BRCC3: variants seen among roughly 807,000 people sequenced by gnomAD.
BRCC3 encodes BRCA1/BRCA2-containing complex subunit 3.
BRCC3 carries 15 observed loss-of-function variants against 28.0 expected under a neutral mutation model. The ratio of observed to expected loss-of-function variants is 0.54; its 90% CI spans 0.36 to 0.82. BRCC3 has a LOEUF of 0.82. Among genes scored for constraint, BRCC3 ranks in the 40% least tolerant of loss-of-function variants. The probability of loss-of-function intolerance (pLI) is 0.01; values close to 1 mark genes in which losing one functional copy is unlikely to be tolerated. For missense variants in BRCC3, 109 were observed against 225.9 expected (o/e 0.48, Z 3.32); for synonymous variants, 66 against 80.3 (o/e 0.82, Z 0.95).
chrX:155,084,974 A>C (rs2074111906), intron 5 of BRCC3, among the ~76,000 whole-genome samples: 1 of 111,859 alleles, frequency 8.9e-6, no homozygotes, highest in East Asian at 2.8e-4. Context: ...CGTCTCTTAA[A>C]ATTTTTTTTT....
chrX:155,092,650 A>C (rs1224771433), intron 7 of BRCC3, among the ~76,000 whole-genome samples: 2 of 110,325 alleles, frequency 1.8e-5, no homozygotes, highest in East Asian at 5.7e-4. Context: ...AGTAATATTA[A>C]AATATTTGGA....
At chrX:155,099,185 G>GTT (rs372745437) in intron 7 of BRCC3, 3,140 of 566,220 alleles carry the variant, frequency 5.5e-3, no homozygotes, top group Middle Eastern at 6.8e-3. Context: ...AATTAGAAAT[G>GTT]TTTTTTTTTT....
chrX:155,102,933 TTGTGTGTG>T (rs782223599), intron 7 of BRCC3, among the ~76,000 whole-genome samples: 1 of 110,901 alleles, frequency 9.0e-6, no homozygotes, highest in Non-Finnish European at 1.9e-5. Context: ...CACATAGTTT[TTGTGTGTG>T]TGTGTGTGCG....
chrX:155,076,569 A>AG (rs1193520455), intron 3 of BRCC3, among the ~76,000 whole-genome samples: 1 of 110,452 alleles, frequency 9.1e-6, no homozygotes, highest in African/African-American at 3.3e-5. Context: ...AGAGAGAGTG[A>AG]GGGGGGAAGT....
At chrX:155,081,011 C>T (rs2074081018) in intron 5 of BRCC3, among the ~76,000 whole-genome samples, 1 of 111,515 alleles carries the variant, frequency 9.0e-6, no homozygotes, top group Admixed American at 9.5e-5. Context: ...CACATCAGGT[C>T]TCTCATTTGA....
chrX:155,121,654 A>G lies in BRCC3; in HGVS notation c.*450A>G, dbSNP rs2074388952. 8.9e-6 allele frequency: 1 copy of G among 112,585 alleles called. No individual in the cohort carries two copies. Among genetic ancestry groups the G allele is most frequent in the Non-Finnish European group, 1.9e-5 (1 of 53,336 alleles). 9.3% of individuals were successfully genotyped at this position (112,585 alleles called of 1,213,427 possible). A position where few individuals can be genotyped will look rare whatever the true frequency, so the allele number is the denominator to read the frequency against. Reference sequence around the variant, plus strand: ...AGAAAAATCTTCAGGATCTTGGGCTAGGTGACAAGTTCTTGGACTTTGCCC... The same window carrying G: ...AGAAAAATCTTCAGGATCTTGGGCTGGGTGACAAGTTCTTGGACTTTGCCC... On this transcript the variant is annotated 3_prime_UTR_variant, in exon 11 of 11. Transcript: ENST00000330045.
At chrX:155,102,358 T>C (rs2074251438) in intron 7 of BRCC3, among the ~76,000 whole-genome samples, 1 of 112,655 alleles carries the variant, frequency 8.9e-6, no homozygotes, top group Admixed American at 9.4e-5. Flanking sequence ...ATTGTAAATG[T>C]GATTGTATTA....
chrX:155,114,457 A>G (rs1043264961), intron 7 of BRCC3, among the ~76,000 whole-genome samples: 2 of 110,967 alleles, frequency 1.8e-5, no homozygotes, highest in Non-Finnish European at 3.8e-5. Context: ...GAAGGGAGAA[A>G]GGGGAGTTTC....
rs782238525 is a variant in BRCC3, at chrX:155,120,168, G to A, written c.*18G>A. 19 of 1,182,622 alleles carry A rather than the reference G, an allele frequency of 1.6e-5. No homozygotes were observed. Among genetic ancestry groups the A allele is most frequent in the Non-Finnish European group, 2.2e-5 (19 of 875,364 alleles). On this transcript the variant is annotated splice_region_variant and 3_prime_UTR_variant, in exon 10 of 11. Transcript: ENST00000330045. ...TAGAATAAATCAGGAGACAAAATGG[G>A]GTAAAAAACTTCTTTTTCAATTTGT...
intron 5 of BRCC3, among the ~76,000 whole-genome samples, chrX:155,080,465 GAA>G (rs11329939): frequency 3.4e-4 from 33 of 98,472 alleles, no homozygotes; most frequent in Admixed American, 4.4e-4. Flanking sequence ...ATAGCAGTCA[GAA>G]AAAAAAAAAA....
intron 5 of BRCC3, among the ~76,000 whole-genome samples, chrX:155,079,799 A>T (rs1237102725): frequency 2.7e-5 from 3 of 111,146 alleles, no homozygotes; most frequent in Non-Finnish European, 5.7e-5. Context: ...TTATACATAT[A>T]TGTATATACG....
intron 3 of BRCC3, among the ~76,000 whole-genome samples, 182 bp downstream of exon 3, chrX:155,073,613 C>T (rs1359515146): frequency 1.8e-5 from 2 of 111,660 alleles, no homozygotes. Flanking sequence ...AGCAAATTGT[C>T]TCTACTTGAT....
At chrX:155,071,718 C>G (rs147862044) in intron 1 of BRCC3, 68 bp downstream of exon 1, 1 of 1,135,992 alleles carries the variant, frequency 8.8e-7, no homozygotes, top group African/African-American at 1.8e-5. Context: ...GGGTGGGTGC[C>G]GGCAGCTCCC....
chrX:155,086,388 G>C (rs2074128704), intron 5 of BRCC3, among the ~76,000 whole-genome samples: 1 of 111,398 alleles, frequency 9.0e-6, no homozygotes, highest in Non-Finnish European at 1.9e-5. Flanking sequence ...TCCCTTCCTT[G>C]CCCAGGCTGG....
chrX:155,072,397 T>C, intron 2 of BRCC3, 54 bp downstream of exon 2: 3 of 1,006,112 alleles, frequency 3.0e-6, no homozygotes, highest in Non-Finnish European at 4.2e-6. Flanking sequence ...ATTGTTAACC[T>C]AAAATTATGG....
At position 155,075,236 on chromosome X, in the gene BRCC3, C is replaced by CATTGT. The variant is rs1557293304; in HGVS notation, c.195+1805_195+1806insATTGT. On this transcript the variant is annotated intron_variant, in intron 3 of 10. Transcript: ENST00000330045. ...ATCTATAGCTTGTTTCAAAAGCCTT[C>CATTGT]TCTCAGATTTCACCCTTGTCCCTTC... is the stretch of plus-strand genomic sequence containing the variant. Among the ~76,000 whole-genome samples the CATTGT allele has an allele frequency of 9.7e-4, 53 of 54,763 alleles. No individual in the cohort carries two copies. The African/African-American group carries it at 0.019, about 19-fold the overall frequency. 47.6% of individuals were successfully genotyped at this position (54,763 alleles called of 115,157 possible).
intron 5 of BRCC3, among the ~76,000 whole-genome samples, chrX:155,087,880 G>A (rs1375915628): frequency 3.6e-5 from 4 of 112,036 alleles, no homozygotes; most frequent in African/African-American, 1.3e-4. Flanking sequence ...AAAATTGAAT[G>A]GAAGTAATGC....
rs1557299553 is a variant in BRCC3 at position 155,122,155 on chromosome X, C to T, written c.*951C>T. On this transcript the variant is annotated 3_prime_UTR_variant, in exon 11 of 11. Coordinates refer to ENST00000330045, the MANE Select transcript of BRCC3 (RefSeq NM_001018055.3). ...AAAAAAAAAAGGCCACAAAACTCAA[C>T]AATAAAAACAAACAGTCCAATTAGA... is the stretch of plus-strand genomic sequence containing the variant. 1 of 106,672 alleles carries T rather than the reference C, an allele frequency of 9.4e-6. No homozygotes were observed. Among genetic ancestry groups the T allele is most frequent in the Non-Finnish European group, 1.9e-5 (1 of 51,876 alleles). The allele number at this position is 106,672 out of a possible 1,213,427, so 8.8% of individuals were successfully genotyped here.
At position 155,113,023 on chromosome X, in the gene BRCC3, A is replaced by G. The variant is rs1179481154; in HGVS notation, c.549-3034A>G. ...ATAAATGGAAAGACATCTCATGTTC[A>G]TGGATTGGATAAATTAATATTGTTA... On this transcript the variant is annotated intron_variant, in intron 7 of 10. Transcript: ENST00000330045. Among the ~76,000 whole-genome samples, 3 of 110,197 alleles carry G rather than the reference A, an allele frequency of 2.7e-5. No individual in the cohort carries two copies. In the East Asian group the frequency reaches 8.4e-4, roughly 31 times the overall value.
Sources: allele counts gnomAD v4.1 joint callset (sites outside exome capture counted in the v4.1 genomes callset), GRCh38; gene constraint gnomAD v4.1.1; transcripts MANE v1.5; gene names NCBI Gene and HGNC (gene_info 2026-07-23, HGNC 2026-07-21).